The following SEMA5A variants were observed in gnomAD, a reference collection of about 807,000 sequenced individuals.
The protein encoded by SEMA5A is semaphorin-5A.
In SEMA5A, 55 loss-of-function variants were observed where a neutral mutation model predicts 135.5. That is an observed-to-expected ratio of 0.41 (90% CI 0.33 to 0.51). The LOEUF is 0.51. Among genes scored for constraint, SEMA5A ranks in the 20% least tolerant of loss-of-function variants. The pLI, the probability that SEMA5A is intolerant of heterozygous loss-of-function variation, is 0.37. For missense variants in SEMA5A, 1,290 were observed against 1,419.9 expected, an observed-to-expected ratio of 0.91 and a Z score of 1.47; for synonymous variants, 580 against 546.5, an observed-to-expected ratio of 1.06 and a Z score of -0.85.
At chr5:9,055,963 T>C (rs1268969312) in intron 18 of SEMA5A, among the ~76,000 whole-genome samples, 3 of 152,128 alleles carry the variant, frequency 2.0e-5, no homozygotes, top group Non-Finnish European at 4.4e-5. Context: ...GTAACCTAAA[T>C]TGGAGCTTGG....
At position 9,226,986 on chromosome 5, in the gene SEMA5A, A is replaced by C; in HGVS notation, c.334-19T>G. Reference sequence around the variant, plus strand: ...ATTCCTCCTGAGGGAAAATAAATAAATTAATTAAAAATATATATATATATG... The same window carrying C: ...ATTCCTCCTGAGGGAAAATAAATAACTTAATTAAAAATATATATATATATG... On this transcript the variant is annotated intron_variant, in intron 6 of 22. Transcript: ENST00000382496. 1 of 1,317,960 alleles carries C rather than the reference A, an allele frequency of 7.6e-7. No individual in the cohort carries two copies. The highest frequency in any genetic ancestry group is 1.0e-6 in the Non-Finnish European group (1 of 993,670). The allele number at this position is 1,317,960 out of a possible 1,614,324, so 81.6% of individuals were successfully genotyped here. A position where few individuals can be genotyped will look rare whatever the true frequency, so the allele number is the denominator to read the frequency against.
At chr5:9,277,338 G>C (rs566156827) in intron 5 of SEMA5A, among the ~76,000 whole-genome samples, 16 of 152,304 alleles carry the variant, frequency 1.1e-4, no homozygotes, top group African/African-American at 3.4e-4. Context: ...AGGATGTTGA[G>C]AAATAGGAAT....
rs113826180 is a variant in SEMA5A at position 9,317,234 on chromosome 5, G to A, written c.270+1138C>T. 6.8e-3 allele frequency among the ~76,000 whole-genome samples: 1,041 copies of A among 152,168 alleles called. 18 individuals carry two copies. Among genetic ancestry groups the A allele is most frequent in the African/African-American group, 0.024 (991 of 41,526 alleles). ...TCAATTGTGATAAAACTATTATAAT[G>A]GAGATTTATTATTTATTATCATCAC... On this transcript the variant is annotated intron_variant, in intron 5 of 22. Transcript: ENST00000382496.
In SEMA5A at chr5:9,197,317, G is replaced by T. The variant is rs1745447044; in HGVS notation, c.933-14C>A. ...GCAATGCTGTTCCTGGGAGCGGAGG[G>T]AGAGAGAGAAGGCAGTCAGAGAGCT... is the stretch of plus-strand genomic sequence containing the variant. On this transcript the variant is annotated splice_polypyrimidine_tract_variant and intron_variant, in intron 9 of 22. Transcript: ENST00000382496. 6.3e-7 allele frequency: 1 copy of T among 1,588,638 alleles called. No individual in the cohort carries two copies. Among genetic ancestry groups the T allele is most frequent in the African/African-American group, 1.5e-5 (1 of 66,398 alleles).
chr5:9,145,400 T>C (rs1393231975), intron 12 of SEMA5A, among the ~76,000 whole-genome samples: 1 of 152,178 alleles, frequency 6.6e-6, no homozygotes, highest in Non-Finnish European at 1.5e-5. Flanking sequence ...TCATGCTCTT[T>C]CCATAGGCAA....
chr5:9,501,213 G>T (rs1321410570), intron 1 of SEMA5A, among the ~76,000 whole-genome samples: 1 of 152,198 alleles, frequency 6.6e-6, no homozygotes, highest in Non-Finnish European at 1.5e-5. Flanking sequence ...CAAAATGGTT[G>T]CTAACACAAT....
chr5:9,345,879 A>G (rs747935205), intron 3 of SEMA5A, among the ~76,000 whole-genome samples: 3 of 152,222 alleles, frequency 2.0e-5, no homozygotes, highest in Admixed American at 6.5e-5. Context: ...ATGTATACAC[A>G]TGTATTTATT....
rs994423556 is a variant in SEMA5A at position 9,374,049 on chromosome 5, T to C, written c.124+5774A>G. Among the ~76,000 whole-genome samples, 3 of 152,210 alleles carry C rather than the reference T, an allele frequency of 2.0e-5. No homozygotes were observed. In the South Asian group the frequency reaches 6.2e-4, roughly 32 times the overall value. Reference sequence around the variant, plus strand: ...ACTATTTTTCCCCTCTTTATTGGAATAGACATTTAAACAAATGACAAGGAC... The same window carrying C: ...ACTATTTTTCCCCTCTTTATTGGAACAGACATTTAAACAAATGACAAGGAC... On this transcript the variant is annotated intron_variant, in intron 3 of 22. Transcript: ENST00000382496.
intron 5 of SEMA5A, among the ~76,000 whole-genome samples, chr5:9,288,678 A>G (rs1267156811): frequency 6.6e-6 from 1 of 152,222 alleles, no homozygotes; most frequent in East Asian, 1.9e-4. Flanking sequence ...ATTTTCTAAA[A>G]TTAGGGCAAT....
At chr5:9,226,188 G>C (rs1747301870) in intron 7 of SEMA5A, among the ~76,000 whole-genome samples, 1 of 152,192 alleles carries the variant, frequency 6.6e-6, no homozygotes, top group Admixed American at 6.5e-5. Flanking sequence ...GGTCAATTAA[G>C]GTCTTGAGGA....
chr5:9,525,523 A>T (rs1226794918), intron 1 of SEMA5A, among the ~76,000 whole-genome samples: 1 of 152,236 alleles, frequency 6.6e-6, no homozygotes, highest in Non-Finnish European at 1.5e-5. Context: ...GACCCAGGGG[A>T]TGGCGAGGAT....
intron 10 of SEMA5A, among the ~76,000 whole-genome samples, chr5:9,191,635 A>T (rs1398914440): frequency 8.8e-3 from 1 of 114 alleles, no homozygotes; most frequent in South Asian, 0.25. Flanking sequence ...AAAGTAGATG[A>T]GATATTTGTA....
At chr5:9,293,215 G>T (rs1287477012) in intron 5 of SEMA5A, among the ~76,000 whole-genome samples, 1 of 152,104 alleles carries the variant, frequency 6.6e-6, no homozygotes, top group Non-Finnish European at 1.5e-5. Context: ...TCTCCTGGAA[G>T]AATGTAGTGC....
At chr5:9,304,777 T>C (rs567293081) in intron 5 of SEMA5A, among the ~76,000 whole-genome samples, 4 of 152,232 alleles carry the variant, frequency 2.6e-5, no homozygotes, top group African/African-American at 4.8e-5. Flanking sequence ...TGTAGGAATA[T>C]GCAGTACCTA....
intron 16 of SEMA5A, among the ~76,000 whole-genome samples, chr5:9,085,419 C>G (rs982453849): frequency 6.6e-6 from 1 of 152,118 alleles, no homozygotes; most frequent in Non-Finnish European, 1.5e-5. Flanking sequence ...TGTGTGCAGC[C>G]TAAGGACTCG....
intron 2 of SEMA5A, among the ~76,000 whole-genome samples, chr5:9,393,063 C>G (rs1272180392): frequency 6.6e-6 from 1 of 152,190 alleles, no homozygotes; most frequent in East Asian, 1.9e-4. Flanking sequence ...TGTGAACATA[C>G]GGTATCTCAT....
intron 15 of SEMA5A, among the ~76,000 whole-genome samples, chr5:9,111,410 A>G (rs1028717579): frequency 3.9e-5 from 6 of 152,202 alleles, no homozygotes; most frequent in Non-Finnish European, 7.3e-5. Flanking sequence ...AAAATAAACC[A>G]TAGCACACAA....
At chr5:9,257,500 G>T (rs1443687075) in intron 5 of SEMA5A, among the ~76,000 whole-genome samples, 1 of 151,496 alleles carries the variant, frequency 6.6e-6, no homozygotes, top group African/African-American at 2.4e-5. Context: ...CAAATGAAGT[G>T]CAAGCTCCCA....
intron 6 of SEMA5A, among the ~76,000 whole-genome samples, chr5:9,232,310 T>A (rs566576482): frequency 2.0e-5 from 3 of 152,312 alleles, no homozygotes; most frequent in South Asian, 4.1e-4. Flanking sequence ...AGGCTTTATG[T>A]TAATCATAGT....
Sources: allele counts gnomAD v4.1 joint callset (sites outside exome capture counted in the v4.1 genomes callset), GRCh38; gene constraint gnomAD v4.1.1; transcripts MANE v1.5; gene names NCBI Gene and HGNC (gene_info 2026-07-23, HGNC 2026-07-21).